The following RPA3 variants were observed in gnomAD, a reference collection of about 807,000 sequenced individuals.
The protein encoded by RPA3 is replication protein A 14 kDa subunit.
In RPA3, 24 loss-of-function variants were observed where a neutral mutation model predicts 13.7. The observed-to-expected ratio is 1.75, with a 90% CI of 1.27 to 2.46. The LOEUF is 2.46. Ranked by LOEUF, RPA3 falls within the 30% of genes most tolerant of loss-of-function variation. RPA3 has a pLI of 0.00. For missense variants in RPA3, 183 were observed against 151.0 expected (o/e 1.21, Z -1.11); for synonymous variants, 59 against 51.2 (o/e 1.15, Z -0.65).
chr7:7,670,401 G>A (rs1030302939), intron 4 of RPA3, among the ~76,000 whole-genome samples: 1 of 152,176 alleles, frequency 6.6e-6, no homozygotes, highest in Non-Finnish European at 1.5e-5. Context: ...GTGGCACAGT[G>A]AACAAGGCAA....
intron 2 of RPA3, among the ~76,000 whole-genome samples, chr7:7,708,310 ATGT>A (rs1780657289): frequency 6.6e-6 from 1 of 152,166 alleles, no homozygotes; most frequent in South Asian, 2.1e-4. Context: ...TTACTAGTTA[ATGT>A]TGAATAAGCT....
chr7:7,644,230 C>T (rs1275339626), intron 4 of RPA3, among the ~76,000 whole-genome samples: 2 of 151,724 alleles, frequency 1.3e-5, no homozygotes, highest in African/African-American at 2.4e-5. Flanking sequence ...TTATGTTTAT[C>T]TTTTTTTCCT....
intron 2 of RPA3, among the ~76,000 whole-genome samples, chr7:7,696,182 T>G (rs1780311755): frequency 6.6e-6 from 1 of 151,686 alleles, no homozygotes; most frequent in Admixed American, 6.6e-5. Context: ...ATTTTTTTAT[T>G]TTTTGTAGAG....
chr7:7,640,576 C>A lies in RPA3; in HGVS notation c.-158G>T, dbSNP rs752445985. On this transcript the variant is annotated 5_prime_UTR_variant, in exon 5 of 8. Coordinates refer to ENST00000223129, the MANE Select transcript of RPA3 (RefSeq NM_002947.5). The stretch of plus-strand genomic sequence containing the variant: ...CGCGGAAACCTAAATCGCAATCGCG[C>A]TGTCTCTGAAAGGGGTGGAGAAGGG... 2 of 671,180 alleles carry A rather than the reference C, an allele frequency of 3.0e-6. No individual in the cohort carries two copies. Among genetic ancestry groups the A allele is most frequent in the Non-Finnish European group, 5.2e-6 (2 of 384,828 alleles). The allele number at this position is 671,180 out of a possible 1,614,324, so 41.6% of individuals were successfully genotyped here. A position where few individuals can be genotyped will look rare whatever the true frequency, so the allele number is the denominator to read the frequency against.
At chr7:7,670,774 C>G (rs1563105319) in intron 4 of RPA3, among the ~76,000 whole-genome samples, 1 of 152,184 alleles carries the variant, frequency 6.6e-6, no homozygotes, top group Admixed American at 6.5e-5. Context: ...AGCATAATTG[C>G]CAAAACCACT....
chr7:7,673,697 T>G (rs1187962128), intron 4 of RPA3, among the ~76,000 whole-genome samples: 1 of 110,554 alleles, frequency 9.0e-6, no homozygotes, highest in African/African-American at 3.3e-5. Context: ...GTAAAATCAC[T>G]TCTTTTTCCC....
intron 4 of RPA3, among the ~76,000 whole-genome samples, chr7:7,668,815 T>C (rs1410986711): frequency 6.6e-6 from 1 of 152,228 alleles, no homozygotes; most frequent in Non-Finnish European, 1.5e-5. Context: ...AGTTAAGTGC[T>C]ACAGCTGGCC....
intron 2 of RPA3, among the ~76,000 whole-genome samples, chr7:7,698,964 C>T: frequency 6.6e-6 from 1 of 150,864 alleles, no homozygotes; most frequent in Non-Finnish European, 1.5e-5. Flanking sequence ...CAGTGATTCT[C>T]CCACTTCAGC....
intron 4 of RPA3, among the ~76,000 whole-genome samples, chr7:7,659,989 A>G (rs74328868): frequency 6.6e-6 from 1 of 152,194 alleles, no homozygotes; most frequent in Middle Eastern, 3.2e-3. Context: ...GTGATCCTGT[A>G]TTGGAGGCAT....
chr7:7,684,060 A>G (rs1009514461), intron 4 of RPA3, among the ~76,000 whole-genome samples: 1 of 152,346 alleles, frequency 6.6e-6, no homozygotes, highest in East Asian at 1.9e-4. Context: ...CATGTGACCT[A>G]CATACATCCT....
At chr7:7,688,546 G>T (rs1780093420) in intron 2 of RPA3, among the ~76,000 whole-genome samples, 1 of 152,164 alleles carries the variant, frequency 6.6e-6, no homozygotes, top group African/African-American at 2.4e-5. Flanking sequence ...GTCGTGTTCA[G>T]TGTCAAGATC....
intron 2 of RPA3, among the ~76,000 whole-genome samples, chr7:7,697,478 G>A (rs917224116): frequency 6.6e-6 from 1 of 152,068 alleles, no homozygotes; most frequent in African/African-American, 2.4e-5. Flanking sequence ...TTAAAAAATG[G>A]CTAATGTAAA....
At chr7:7,707,166 G>A (rs1285974478) in intron 2 of RPA3, among the ~76,000 whole-genome samples, 2 of 152,088 alleles carry the variant, frequency 1.3e-5, no homozygotes, top group Non-Finnish European at 2.9e-5. Context: ...GGAATAAACA[G>A]GCAAAATCAG....
At chr7:7,664,002 G>A (rs1026147920) in intron 4 of RPA3, among the ~76,000 whole-genome samples, 2 of 152,108 alleles carry the variant, frequency 1.3e-5, no homozygotes, top group Non-Finnish European at 2.9e-5. Flanking sequence ...TCCTAACCTA[G>A]GTCTAAAACA....
chr7:7,653,142 G>A (rs1014342149), intron 4 of RPA3, among the ~76,000 whole-genome samples: 10 of 151,984 alleles, frequency 6.6e-5, no homozygotes, highest in Non-Finnish European at 1.5e-4. Context: ...TCTTTTGCAG[G>A]GTGTTTTTTC....
intron 2 of RPA3, among the ~76,000 whole-genome samples, chr7:7,714,503 A>C (rs1780843509): frequency 1.3e-5 from 2 of 152,276 alleles, no homozygotes; most frequent in South Asian, 4.1e-4. Context: ...TAATCTATAT[A>C]GTTTAATTGC....
chr7:7,658,370 G>A (rs897708663), intron 4 of RPA3, among the ~76,000 whole-genome samples: 8 of 152,196 alleles, frequency 5.3e-5, no homozygotes, highest in African/African-American at 1.7e-4. Context: ...GGTGAGAGAG[G>A]GCATCCTTGC....
At chr7:7,708,938 TGAGAGAGAGAGAGGGA>T (rs1780678526) in intron 2 of RPA3, among the ~76,000 whole-genome samples, 1 of 150,552 alleles carries the variant, frequency 6.6e-6, no homozygotes, top group Non-Finnish European at 1.5e-5. Flanking sequence ...TGTGTGTGTG[TGAGAGAGAGAGAGGGA>T]GAGAGAGAGA....
At chr7:7,642,784 C>G (rs1165861391) in intron 4 of RPA3, among the ~76,000 whole-genome samples, 1 of 152,104 alleles carries the variant, frequency 6.6e-6, no homozygotes. Flanking sequence ...TTTGCACTTC[C>G]CCAATGAAGC....
Sources: gnomAD v4.1 joint callset for allele counts (sites outside exome capture counted in the v4.1 genomes callset) on GRCh38, gnomAD v4.1.1 for gene constraint, MANE v1.5 for transcripts, NCBI Gene and HGNC (gene_info 2026-07-23, HGNC 2026-07-21) for gene names.